ASIC2: variants seen among roughly 807,000 people sequenced by gnomAD.
ASIC2 encodes the protein acid-sensing ion channel 2.
ASIC2 carries 25 observed loss-of-function variants against 57.3 expected under a neutral mutation model. The observed-to-expected ratio is 0.44, with a 90% CI of 0.32 to 0.61. The LOEUF (loss-of-function observed/expected upper bound fraction) is 0.61, where lower values mean the gene tolerates loss of function less well. Ranked by LOEUF, ASIC2 falls within the 20% of genes least tolerant of loss-of-function variation. ASIC2 has a pLI of 0.06. For missense variants in ASIC2, 641 were observed against 738.1 expected, an observed-to-expected ratio of 0.87 and a Z score of 1.52; for synonymous variants, 319 against 307.5, an observed-to-expected ratio of 1.04 and a Z score of -0.39.
chr17:33,488,244 C>T (rs1913638716), intron 1 of ASIC2, among the ~76,000 whole-genome samples: 1 of 152,146 alleles, frequency 6.6e-6, no homozygotes, highest in Admixed American at 6.5e-5. Flanking sequence ...GCTCCTTAGC[C>T]TCCCTGTCAT....
chr17:34,092,925 T>C (rs566344334), intron 1 of ASIC2, among the ~76,000 whole-genome samples: 3 of 152,338 alleles, frequency 2.0e-5, no homozygotes, highest in African/African-American at 7.2e-5. Flanking sequence ...TTGCATGTTT[T>C]CAAACTTTAT....
intron 1 of ASIC2, among the ~76,000 whole-genome samples, chr17:33,699,976 A>G (rs558415392): frequency 8.6e-5 from 13 of 150,480 alleles, no homozygotes; most frequent in Non-Finnish European, 1.3e-4. Flanking sequence ...TTAATAGTGT[A>G]TCTATGCTTA....
chr17:33,517,796 A>G lies in ASIC2; in HGVS notation c.556-405729T>C, dbSNP rs530698912. On this transcript the variant is annotated intron_variant, in intron 1 of 9. Transcript: ENST00000359872. ...GCACACCAACATGGCACATGTATACATATGTAACAAACCTGCACGTTGTGC... is the reference window on the plus strand; with the variant it reads ...GCACACCAACATGGCACATGTATACGTATGTAACAAACCTGCACGTTGTGC... Among the ~76,000 whole-genome samples the G allele has an allele frequency of 9.2e-5, 14 of 152,210 alleles. No homozygotes were observed. The South Asian group carries it at 2.3e-3, about 25-fold the overall frequency.
At chr17:33,095,863 C>T (rs891995028) in intron 2 of ASIC2, among the ~76,000 whole-genome samples, 9 of 152,356 alleles carry the variant, frequency 5.9e-5, no homozygotes, top group South Asian at 4.1e-4. Flanking sequence ...TTCATTAAGG[C>T]CCATCCTTTG....
chr17:33,777,709 A>G (rs937928086), intron 1 of ASIC2, among the ~76,000 whole-genome samples: 5 of 152,212 alleles, frequency 3.3e-5, no homozygotes, highest in African/African-American at 1.2e-4. Flanking sequence ...ATGAATGTCC[A>G]GGTTAATTAT....
intron 1 of ASIC2, among the ~76,000 whole-genome samples, chr17:33,994,763 G>C (rs73990124): frequency 5.0e-4 from 76 of 152,178 alleles, no homozygotes; most frequent in African/African-American, 1.8e-3. Flanking sequence ...GGAAGCCCTT[G>C]GTACCAGACA....
intron 6 of ASIC2, among the ~76,000 whole-genome samples, chr17:33,021,893 G>A (rs1275141822): frequency 6.6e-6 from 1 of 152,206 alleles, no homozygotes. Flanking sequence ...TTGCTCCTTT[G>A]GGCAGGTGTG....
intron 1 of ASIC2, among the ~76,000 whole-genome samples, chr17:33,674,390 T>G (rs59936890): frequency 0.05 from 7,632 of 152,246 alleles, 501 homozygotes; most frequent in African/African-American, 0.15. Flanking sequence ...CTAGGACAAT[T>G]TTTGTTGTTT....
At chr17:33,753,420 T>C (rs1273310903) in intron 1 of ASIC2, among the ~76,000 whole-genome samples, 1 of 152,230 alleles carries the variant, frequency 6.6e-6, no homozygotes, top group African/African-American at 2.4e-5. Flanking sequence ...TCAAAACCCA[T>C]AGAATTGTAT....
At chr17:33,539,833 T>A (rs950858359) in intron 1 of ASIC2, among the ~76,000 whole-genome samples, 8 of 152,016 alleles carry the variant, frequency 5.3e-5, no homozygotes, top group Non-Finnish European at 1.2e-4. Flanking sequence ...GGGAACAACA[T>A]GAGACCCATG....
intron 1 of ASIC2, among the ~76,000 whole-genome samples, chr17:33,579,637 A>T (rs947261319): frequency 5.3e-5 from 8 of 151,752 alleles, no homozygotes; most frequent in Non-Finnish European, 8.8e-5. Flanking sequence ...GCTGCGTCTG[A>T]AGTTTCTTCC....
rs149598952 is a variant in ASIC2 at position 33,832,954 on chromosome 17, T to C, written c.555+323024A>G. ...ACAAGTAAAATATGGCAAGTACATATTACGGAATATTATGTAGTAGTTAGA... is the reference window on the plus strand; with the variant it reads ...ACAAGTAAAATATGGCAAGTACATACTACGGAATATTATGTAGTAGTTAGA... On this transcript the variant is annotated intron_variant, in intron 1 of 9. Transcript: ENST00000359872. Among the ~76,000 whole-genome samples the C allele has an allele frequency of 6.5e-3, 987 of 152,226 alleles. 12 individuals are homozygous for C. Among genetic ancestry groups the C allele is most frequent in the African/African-American group, 0.023 (946 of 41,532 alleles).
intron 1 of ASIC2, among the ~76,000 whole-genome samples, chr17:33,198,473 C>T (rs1541630): frequency 0.25 from 38,569 of 152,196 alleles, 6,783 homozygotes; most frequent in African/African-American, 0.48. Context: ...TTTTCTGTCA[C>T]TCAGACCTGG....
intron 1 of ASIC2, chr17:34,039,190 AAGTC>A: frequency 6.2e-7 from 1 of 1,613,874 alleles, no homozygotes. Context: ...CTTCTTCTCT[AAGTC>A]AGAATTCTTA....
chr17:33,625,976 T>C (rs549355285), intron 1 of ASIC2, among the ~76,000 whole-genome samples: 4 of 152,230 alleles, frequency 2.6e-5, no homozygotes, highest in Non-Finnish European at 4.4e-5. Context: ...AGGGCAGGCA[T>C]ATACAGGGCC....
At chr17:33,620,959 C>T (rs547978791) in intron 1 of ASIC2, among the ~76,000 whole-genome samples, 1 of 152,150 alleles carries the variant, frequency 6.6e-6, no homozygotes, top group African/African-American at 2.4e-5. Flanking sequence ...TCCTTCTTTT[C>T]TTGCACCGCA....
At chr17:33,986,531 C>T (rs947146443) in intron 1 of ASIC2, among the ~76,000 whole-genome samples, 2 of 152,142 alleles carry the variant, frequency 1.3e-5, no homozygotes, top group African/African-American at 4.8e-5. Flanking sequence ...CATCCCCTGA[C>T]AATCCCAAAG....
chr17:33,322,377 G>A (rs1199413236), intron 1 of ASIC2, among the ~76,000 whole-genome samples: 4 of 152,170 alleles, frequency 2.6e-5, no homozygotes, highest in South Asian at 2.1e-4. Context: ...CCCTGCTCTG[G>A]TGGTTTGCCA....
intron 1 of ASIC2, among the ~76,000 whole-genome samples, chr17:34,025,205 C>A (rs562561879): frequency 2.1e-4 from 32 of 152,348 alleles, no homozygotes; most frequent in African/African-American, 7.7e-4. Context: ...GAGTCTTTGT[C>A]TGGAAGGTAT....
Sources: gnomAD v4.1 joint callset for allele counts (sites outside exome capture counted in the v4.1 genomes callset) on GRCh38, gnomAD v4.1.1 for gene constraint, MANE v1.5 for transcripts, NCBI Gene and HGNC (gene_info 2026-07-23, HGNC 2026-07-21) for gene names.